RIC8B: variants seen among roughly 807,000 people sequenced by gnomAD.
RIC8B encodes the protein chaperone Ric-8B.
RIC8B carries 16 observed loss-of-function variants against 57.5 expected under a neutral mutation model. That is an observed-to-expected ratio of 0.28 (90% CI 0.19 to 0.42). RIC8B has a LOEUF of 0.42. Among genes scored for constraint, RIC8B ranks in the 10% least tolerant of loss-of-function variants. The probability of loss-of-function intolerance (pLI) is 1.00; values close to 1 mark genes in which losing one functional copy is unlikely to be tolerated. For missense variants in RIC8B, 481 were observed against 677.0 expected (o/e 0.71, Z 3.21); for synonymous variants, 216 against 250.8 (o/e 0.86, Z 1.31).
At chr12:106,830,535 A>G (rs1233149148) in intron 4 of RIC8B, among the ~76,000 whole-genome samples, 1 of 152,160 alleles carries the variant, frequency 6.6e-6, no homozygotes, top group African/African-American at 2.4e-5. Flanking sequence ...GAAAAGGATA[A>G]TTTACTTTGG....
At chr12:106,860,553 C>G (rs1374989282) in intron 8 of RIC8B, 141 bp downstream of exon 8, 1 of 602,492 alleles carries the variant, frequency 1.7e-6, no homozygotes, top group Non-Finnish European at 2.7e-6. Flanking sequence ...GAGGCAGTTT[C>G]ATAGCTAGTG....
At position 106,870,951 on chromosome 12, in the gene RIC8B, T is replaced by C; in HGVS notation, c.1571+9T>C. 6.5e-7 allele frequency: 1 copy of C among 1,545,280 alleles called. No homozygotes were observed. The highest frequency in any genetic ancestry group is 8.7e-7 in the Non-Finnish European group (1 of 1,144,138). Reference sequence around the variant, plus strand: ...CTTGATAAACTTTCCAGGTATTGTATTCCCATCCATTTTTTGCTTGGTTTC... The same window carrying C: ...CTTGATAAACTTTCCAGGTATTGTACTCCCATCCATTTTTTGCTTGGTTTC... On this transcript the variant is annotated intron_variant, in intron 9 of 9. Coordinates refer to ENST00000392837, the MANE Select transcript of RIC8B (RefSeq NM_001330145.2).
intron 3 of RIC8B, among the ~76,000 whole-genome samples, chr12:106,821,259 A>G (rs984770823): frequency 2.0e-5 from 3 of 152,240 alleles, no homozygotes; most frequent in Non-Finnish European, 4.4e-5. Context: ...AGCTTTGTTA[A>G]GACTTCTTAA....
chr12:106,824,879 C>T (rs1029765596), intron 3 of RIC8B, among the ~76,000 whole-genome samples: 13 of 151,960 alleles, frequency 8.6e-5, no homozygotes, highest in Non-Finnish European at 1.8e-4. Context: ...TGTACTCCAG[C>T]CTAGGCGACA....
chr12:106,830,021 A>G (rs899398440), intron 4 of RIC8B, among the ~76,000 whole-genome samples: 3 of 152,184 alleles, frequency 2.0e-5, no homozygotes, highest in African/African-American at 4.8e-5. Context: ...TGAGCTCTCT[A>G]TTCTATTTCA....
rs148049566 is a variant in RIC8B at position 106,796,369 on chromosome 12, C to T, written c.132+12325C>T. ...CCTGGGCAATATAGTGAGACCCCCACCCCCCTCCATCTCTAAAAAGAAAAA... is the reference window on the plus strand; with the variant it reads ...CCTGGGCAATATAGTGAGACCCCCATCCCCCTCCATCTCTAAAAAGAAAAA... On this transcript the variant is annotated intron_variant, in intron 2 of 9. Coordinates refer to ENST00000392837, the MANE Select transcript of RIC8B (RefSeq NM_001330145.2). Among the ~76,000 whole-genome samples, 698 of 152,060 alleles carry T rather than the reference C, an allele frequency of 4.6e-3. 4 individuals carry two copies. Among genetic ancestry groups the T allele is most frequent in the African/African-American group, 0.016 (672 of 41,490 alleles).
intron 8 of RIC8B, among the ~76,000 whole-genome samples, chr12:106,865,310 C>T (rs1327983068): frequency 6.6e-6 from 1 of 152,052 alleles, no homozygotes; most frequent in Non-Finnish European, 1.5e-5. Context: ...TTAGTAATAG[C>T]CATCCTAATG....
intron 9 of RIC8B, among the ~76,000 whole-genome samples, chr12:106,877,171 T>TA (rs573779096): frequency 5.3e-5 from 8 of 152,210 alleles, no homozygotes; most frequent in African/African-American, 1.9e-4. Context: ...CTTTAAGGTA[T>TA]AAAAAATGCT....
intron 4 of RIC8B, among the ~76,000 whole-genome samples, chr12:106,840,009 C>T (rs889715796): frequency 2.6e-5 from 4 of 152,072 alleles, no homozygotes; most frequent in African/African-American, 9.7e-5. Flanking sequence ...GAGACTCTAT[C>T]TCAAAAACAA....
At chr12:106,875,074 C>G (rs145112555) in intron 9 of RIC8B, among the ~76,000 whole-genome samples, 1 of 152,098 alleles carries the variant, frequency 6.6e-6, no homozygotes, top group African/African-American at 2.4e-5. Context: ...CTTTAAAGTA[C>G]ACTCTGTCAG....
chr12:106,798,358 TAAAA>T (rs113938397), intron 2 of RIC8B, among the ~76,000 whole-genome samples: 2,117 of 152,244 alleles, frequency 0.014, 55 homozygotes, highest in African/African-American at 0.049. Context: ...TATTTGTAGA[TAAAA>T]AAACTAGAGG....
chr12:106,799,746 G>T (rs973965992), intron 2 of RIC8B, among the ~76,000 whole-genome samples: 2 of 152,084 alleles, frequency 1.3e-5, no homozygotes, highest in Non-Finnish European at 2.9e-5. Context: ...TTTTGTTTCC[G>T]TACTTTTTCT....
At chr12:106,822,739 T>C (rs1298172653) in intron 3 of RIC8B, 1 of 152,250 alleles carries the variant, frequency 6.6e-6, no homozygotes, top group East Asian at 1.9e-4. Flanking sequence ...ATGAACAGGG[T>C]GGGGACCAGC....
At chr12:106,833,633 A>G (rs911625448) in intron 4 of RIC8B, among the ~76,000 whole-genome samples, 3 of 152,058 alleles carry the variant, frequency 2.0e-5, no homozygotes, top group Non-Finnish European at 4.4e-5. Flanking sequence ...CAAATAGCAG[A>G]AGTTTTTCTT....
intron 2 of RIC8B, among the ~76,000 whole-genome samples, chr12:106,801,718 A>G (rs996987621): frequency 6.6e-6 from 1 of 152,190 alleles, no homozygotes; most frequent in African/African-American, 2.4e-5. Flanking sequence ...GACCTCTAGA[A>G]TCCTCCCAGA....
intron 2 of RIC8B, among the ~76,000 whole-genome samples, chr12:106,802,190 A>C (rs944144850): frequency 7.2e-5 from 11 of 152,318 alleles, no homozygotes; most frequent in African/African-American, 2.4e-4. Flanking sequence ...TAATGCATTC[A>C]TTTATTTTCA....
chr12:106,805,508 A>C (rs998490850), intron 2 of RIC8B, among the ~76,000 whole-genome samples: 3 of 152,078 alleles, frequency 2.0e-5, no homozygotes, highest in Non-Finnish European at 4.4e-5. Flanking sequence ...AACAACAACA[A>C]CAAAAAAAAC....
intron 8 of RIC8B, 48 bp downstream of exon 8, chr12:106,860,460 T>A: frequency 2.3e-6 from 3 of 1,332,074 alleles, no homozygotes; most frequent in Non-Finnish European, 3.0e-6. Context: ...TGCCTTTGAG[T>A]TGGTTATTTC....
At chr12:106,783,646 G>A (rs753226065) in intron 1 of RIC8B, among the ~76,000 whole-genome samples, 6 of 151,978 alleles carry the variant, frequency 3.9e-5, no homozygotes, top group South Asian at 2.1e-4. Flanking sequence ...TCACACATTC[G>A]AGCCTTTGTT....
Sources: gnomAD v4.1 joint callset for allele counts (sites outside exome capture counted in the v4.1 genomes callset) on GRCh38, gnomAD v4.1.1 for gene constraint, MANE v1.5 for transcripts, NCBI Gene and HGNC (gene_info 2026-07-23, HGNC 2026-07-21) for gene names.